FTCDNL1: variants seen among roughly 807,000 people sequenced by gnomAD.
The protein encoded by FTCDNL1 is formiminotransferase N-terminal subdomain-containing protein.
Under a neutral mutation model 5.9 loss-of-function variants are expected in FTCDNL1, and 11 were observed. The observed-to-expected ratio is 1.87, with a 90% CI of 1.18 to 3.10. FTCDNL1 has a LOEUF of 3.10. Among genes scored for constraint, FTCDNL1 ranks in the 30% most tolerant of loss-of-function variants. FTCDNL1 has a pLI of 0.00. For synonymous variants in FTCDNL1, 58 were observed against 24.8 expected (o/e 2.34, Z -3.99); for missense variants, 115 against 65.5 (o/e 1.76, Z -2.61).
chr2:199,744,698 A>G, the FTCDNL1 span, among the ~76,000 whole-genome samples: 5 of 152,236 alleles, frequency 3.3e-5, no homozygotes, highest in Non-Finnish European at 5.9e-5. Context: ...GATATCCTCA[A>G]AGTAACTTTC....
At chr2:199,766,687 T>C (rs896290983) in intron 3 of FTCDNL1, among the ~76,000 whole-genome samples, 5 of 151,822 alleles carry the variant, frequency 3.3e-5, no homozygotes, top group Non-Finnish European at 7.3e-5. Context: ...GCTTTTTTGG[T>C]TTATGTGGCC....
the FTCDNL1 span, among the ~76,000 whole-genome samples, chr2:199,750,261 G>A: frequency 1.3e-5 from 2 of 151,890 alleles, no homozygotes; most frequent in African/African-American, 2.4e-5. Context: ...AGGAGGCTGA[G>A]GTGGGAGGAT....
chr2:199,674,665 A>G, the FTCDNL1 span, among the ~76,000 whole-genome samples: 1 of 152,178 alleles, frequency 6.6e-6, no homozygotes, highest in African/African-American at 2.4e-5. Flanking sequence ...CTTAGCAACT[A>G]TGTCCTCATA....
At chr2:199,708,844 A>T in the FTCDNL1 span, among the ~76,000 whole-genome samples, 1 of 152,152 alleles carries the variant, frequency 6.6e-6, no homozygotes, top group South Asian at 2.1e-4. Flanking sequence ...GTAAAAACTC[A>T]ATGGTATCCA....
chr2:199,835,603 A>G (rs1160734062), intron 3 of FTCDNL1, among the ~76,000 whole-genome samples: 2 of 152,122 alleles, frequency 1.3e-5, no homozygotes, highest in Non-Finnish European at 2.9e-5. Flanking sequence ...TCATTATATC[A>G]TTTCTTCAGA....
chr2:199,791,005 A>C (rs969922051), intron 3 of FTCDNL1, among the ~76,000 whole-genome samples: 4 of 152,192 alleles, frequency 2.6e-5, no homozygotes, highest in Non-Finnish European at 5.9e-5. Context: ...GTATTGTGAT[A>C]TTTATTAAAG....
At chr2:199,690,594 C>T in the FTCDNL1 span, among the ~76,000 whole-genome samples, 2 of 152,150 alleles carry the variant, frequency 1.3e-5, no homozygotes, top group African/African-American at 4.8e-5. Flanking sequence ...TGGTCACTAG[C>T]TCCTTTGGGC....
intron 3 of FTCDNL1, among the ~76,000 whole-genome samples, chr2:199,838,447 A>C (rs797000454): frequency 3.3e-5 from 5 of 152,348 alleles, no homozygotes; most frequent in African/African-American, 9.6e-5. Flanking sequence ...AAATGGTATA[A>C]AGAAATTTTT....
At position 199,791,119 on chromosome 2, in the gene FTCDNL1, C is replaced by A. The variant is rs560492142; in HGVS notation, c.212-30284G>T. 1.1e-4 allele frequency among the ~76,000 whole-genome samples: 16 copies of A among 152,146 alleles called. No individual in the cohort carries two copies. The East Asian group carries it at 2.9e-3, about 28-fold the overall frequency. Reference sequence around the variant, plus strand: ...TAAAAGGAATAAATAGGAACTATTACGTATCAATTAATTCAGAACTATTTC... The same window carrying A: ...TAAAAGGAATAAATAGGAACTATTAAGTATCAATTAATTCAGAACTATTTC... On this transcript the variant is annotated intron_variant, in intron 3 of 3. Coordinates refer to the FTCDNL1 transcript ENST00000416668.
At chr2:199,762,318 G>A (rs993388811) in intron 3 of FTCDNL1, among the ~76,000 whole-genome samples, 1 of 152,182 alleles carries the variant, frequency 6.6e-6, no homozygotes, top group Non-Finnish European at 1.5e-5. Context: ...GGTAGAGGTT[G>A]CGGTGAGCCA....
At position 199,819,601 on chromosome 2, in the gene FTCDNL1, G is replaced by A; in HGVS notation, c.368C>T (p.Ala123Val). ...TAAACCACATCTTTGGGAAGGGGCA[G>A]CTCCCAGGTCAGGCTGAAGAGCACT... is the stretch of plus-strand genomic sequence containing the variant. ...DFSALQPDLGAAPSQRCGLTA... is the reference protein window; with the variant it reads ...DFSALQPDLGVAPSQRCGLTA... Residue 123 changes from alanine (A) to valine (V), a missense_variant, in exon 4 of 5, where the codon GCT (alanine) becomes GTT (valine). Transcript: ENST00000420128. The A allele has an allele frequency of 1.4e-6, 1 of 701,562 alleles. No individual in the cohort carries two copies. The highest frequency in any genetic ancestry group is 2.6e-6 in the Non-Finnish European group (1 of 384,750). 43.5% of individuals were successfully genotyped at this position (701,562 alleles called of 1,614,324 possible). A position where few individuals can be genotyped will look rare whatever the true frequency, so the allele number is the denominator to read the frequency against.
the FTCDNL1 span, among the ~76,000 whole-genome samples, chr2:199,676,476 T>C: frequency 6.6e-6 from 1 of 152,000 alleles, no homozygotes; most frequent in Non-Finnish European, 1.5e-5. Context: ...GGTCTCCAAC[T>C]TTTTTGATCA....
In FTCDNL1 at chr2:199,812,828, T is replaced by C. The variant is rs552768936; in HGVS notation, c.398-104A>G. On this transcript the variant is annotated intron_variant, in intron 4 of 4. Coordinates refer to ENST00000420128, the MANE Select transcript of FTCDNL1 (RefSeq NM_001363886.2). ...TTGGTGTTTACTCCTAGTTAAATATTTTTTTATCAAAAAGAAAAAGAAACT... is the reference window on the plus strand; with the variant it reads ...TTGGTGTTTACTCCTAGTTAAATATCTTTTTATCAAAAAGAAAAAGAAACT... 11 of 597,158 alleles carry C rather than the reference T, an allele frequency of 1.8e-5. No individual in the cohort carries two copies. The South Asian group carries it at 2.0e-4, about 11-fold the overall frequency. 37.0% of individuals were successfully genotyped at this position (597,158 alleles called of 1,614,324 possible).
the FTCDNL1 span, among the ~76,000 whole-genome samples, chr2:199,726,019 C>A: frequency 6.6e-6 from 1 of 151,958 alleles, no homozygotes. Context: ...CTTTTAGGTA[C>A]CCCAATCATT....
intron 3 of FTCDNL1, among the ~76,000 whole-genome samples, chr2:199,778,672 G>T (rs955485369): frequency 6.6e-6 from 1 of 152,174 alleles, no homozygotes; most frequent in Admixed American, 6.5e-5. Flanking sequence ...CCATTAAAGG[G>T]TATGCCCACT....
At chr2:199,796,117 T>A (rs1480632926) in intron 3 of FTCDNL1, among the ~76,000 whole-genome samples, 2 of 152,110 alleles carry the variant, frequency 1.3e-5, no homozygotes, top group East Asian at 3.9e-4. Context: ...TTGAAAAAAA[T>A]ACAATAGAAC....
At position 199,819,814 on chromosome 2, in the gene FTCDNL1, C is replaced by A. The variant is rs971773392; in HGVS notation, c.212-57G>T. ...TCACAATCAAGCCAAATTTTAAAAA[C>A]CAAAGCATATAATTTTTTTGCTGTG... is the stretch of plus-strand genomic sequence containing the variant. On this transcript the variant is annotated intron_variant, in intron 3 of 4. Coordinates refer to ENST00000420128, the MANE Select transcript of FTCDNL1 (RefSeq NM_001363886.2). The A allele has an allele frequency of 1.4e-4, 91 of 663,926 alleles. 2 individuals carry two copies. In the South Asian group the frequency reaches 1.4e-3, roughly 10 times the overall value. The allele number at this position is 663,926 out of a possible 1,614,324, so 41.1% of individuals were successfully genotyped here.
At chr2:199,674,509 G>T in the FTCDNL1 span, among the ~76,000 whole-genome samples, 4 of 152,112 alleles carry the variant, frequency 2.6e-5, no homozygotes, top group Admixed American at 1.3e-4. Context: ...ATATTATCTG[G>T]ATTGCATCAC....
At position 199,799,206 on chromosome 2, in the gene FTCDNL1, A is replaced by G. The variant is rs370806349; in HGVS notation, c.212-38371T>C. Among the ~76,000 whole-genome samples the G allele has an allele frequency of 1.4e-4, 21 of 152,364 alleles. No homozygotes were observed. In the South Asian group the frequency reaches 4.1e-3, roughly 30 times the overall value. Reference sequence around the variant, plus strand: ...ACAACTGGTTTCTTTTCTTAGTTTGAAAGAAAAACTTGGCAATCGTAAAGC... The same window carrying G: ...ACAACTGGTTTCTTTTCTTAGTTTGGAAGAAAAACTTGGCAATCGTAAAGC... On this transcript the variant is annotated intron_variant, in intron 3 of 3. Transcript: ENST00000416668.
Sources: gnomAD v4.1 joint callset for allele counts (sites outside exome capture counted in the v4.1 genomes callset) on GRCh38, gnomAD v4.1.1 for gene constraint, MANE v1.5 for transcripts, NCBI Gene and HGNC (gene_info 2026-07-23, HGNC 2026-07-21) for gene names.